Variants in TENM3 observed in about 807,000 individuals in gnomAD.
TENM3 encodes the protein teneurin-3.
TENM3 carries 63 observed loss-of-function variants against 255.1 expected under a neutral mutation model. That is an observed-to-expected ratio of 0.25 (90% CI 0.20 to 0.30). The LOEUF is 0.30. Among genes scored for constraint, TENM3 ranks in the 10% least tolerant of loss-of-function variants. The probability of loss-of-function intolerance (pLI) is 1.00; values close to 1 mark genes in which losing one functional copy is unlikely to be tolerated. For synonymous variants in TENM3, 1,306 were observed against 1,322.3 expected (o/e 0.99, Z 0.27); for missense variants, 2,929 against 3,461.1 (o/e 0.85, Z 3.86).
At chr4:181,982,817 C>T in the TENM3 span, among the ~76,000 whole-genome samples, 3,575 of 152,214 alleles carry the variant, frequency 0.023, 160 homozygotes, top group African/African-American at 0.082. Context: ...ACACTTTCAT[C>T]CAGTATTCTG....
At chr4:182,510,514 C>T (rs1737288515) in intron 3 of TENM3, among the ~76,000 whole-genome samples, 1 of 152,102 alleles carries the variant, frequency 6.6e-6, no homozygotes, top group Non-Finnish European at 1.5e-5. Flanking sequence ...TCTAGTTATT[C>T]CAGTTCTGAT....
At chr4:182,193,989 C>T (rs1753686803) in intron 1 of TENM3, among the ~76,000 whole-genome samples, 1 of 152,190 alleles carries the variant, frequency 6.6e-6, no homozygotes, top group African/African-American at 2.4e-5. Flanking sequence ...TCCACAACTT[C>T]ATGGCCTACG....
chr4:182,026,977 GT>G, the TENM3 span, among the ~76,000 whole-genome samples: 5,520 of 152,124 alleles, frequency 0.036, 146 homozygotes, highest in Middle Eastern at 0.068. Flanking sequence ...TTTTAGGATT[GT>G]TTTTTATATT....
At chr4:182,488,692 A>C (rs1329557226) in intron 3 of TENM3, among the ~76,000 whole-genome samples, 1 of 152,174 alleles carries the variant, frequency 6.6e-6, no homozygotes, top group Non-Finnish European at 1.5e-5. Flanking sequence ...TGAAAGCCTA[A>C]TGTCATCGAA....
At chr4:182,638,494 C>CG (rs1384645123) in intron 5 of TENM3, among the ~76,000 whole-genome samples, 1 of 152,092 alleles carries the variant, frequency 6.6e-6, no homozygotes, top group Non-Finnish European at 1.5e-5. Context: ...TGAGGCCCCC[C>CG]CATTGTGCAT....
At chr4:182,347,999 T>C (rs141065947) in intron 3 of TENM3, among the ~76,000 whole-genome samples, 3 of 152,338 alleles carry the variant, frequency 2.0e-5, no homozygotes, top group African/African-American at 7.2e-5. Context: ...GATCTATTGT[T>C]AGCTTTCAGT....
At chr4:181,780,229 T>G in the TENM3 span, among the ~76,000 whole-genome samples, 2 of 152,224 alleles carry the variant, frequency 1.3e-5, no homozygotes, top group Non-Finnish European at 2.9e-5. Context: ...TCCACAATGG[T>G]TGAACTAGTT....
chr4:182,553,426 GC>G (rs1259231242), intron 3 of TENM3, among the ~76,000 whole-genome samples: 4 of 151,552 alleles, frequency 2.6e-5, no homozygotes, highest in Non-Finnish European at 4.4e-5. Flanking sequence ...TATACCTAAT[GC>G]TACATGACGA....
At chr4:181,527,175 G>A in the TENM3 span, among the ~76,000 whole-genome samples, 1 of 152,158 alleles carries the variant, frequency 6.6e-6, no homozygotes, top group East Asian at 1.9e-4. Flanking sequence ...TCTTTTGTAT[G>A]TCTGGAAAAC....
chr4:182,629,437 G>A (rs1031114828), intron 5 of TENM3, among the ~76,000 whole-genome samples: 10 of 152,100 alleles, frequency 6.6e-5, no homozygotes, highest in African/African-American at 2.4e-4. Context: ...CTCTTCTGAT[G>A]TAGTATTGAT....
chr4:182,119,148 C>A, the TENM3 span, among the ~76,000 whole-genome samples: 1 of 152,076 alleles, frequency 6.6e-6, no homozygotes, highest in African/African-American at 2.4e-5. Context: ...TATTTCCCTC[C>A]CCCCAGGTAG....
chr4:182,230,152 TC>T (rs1756469031), intron 1 of TENM3, among the ~76,000 whole-genome samples: 1 of 145,492 alleles, frequency 6.9e-6, no homozygotes, highest in Non-Finnish European at 1.5e-5. Context: ...AAAAAAATCT[TC>T]CCAGAGACTG....
intron 3 of TENM3, among the ~76,000 whole-genome samples, chr4:182,460,185 T>C (rs1774224988): frequency 6.6e-6 from 1 of 152,186 alleles, no homozygotes; most frequent in Non-Finnish European, 1.5e-5. Flanking sequence ...ATCATCATCA[T>C]GACCCTAGGA....
At chr4:181,798,090 AGTGTGTGTGT>A in the TENM3 span, among the ~76,000 whole-genome samples, 2 of 149,790 alleles carry the variant, frequency 1.3e-5, no homozygotes, top group Non-Finnish European at 3.0e-5. Flanking sequence ...TTTCAAAATA[AGTGTGTGTGT>A]GTGTGTGTGT....
intron 19 of TENM3, among the ~76,000 whole-genome samples, chr4:182,744,826 T>C (rs1761887056): frequency 6.6e-6 from 1 of 152,192 alleles, no homozygotes; most frequent in Non-Finnish European, 1.5e-5. Flanking sequence ...ACGAATATAG[T>C]TGAAGCAAAT....
intron 1 of TENM3, among the ~76,000 whole-genome samples, chr4:182,146,838 G>T (rs953965160): frequency 6.6e-6 from 1 of 152,142 alleles, no homozygotes; most frequent in African/African-American, 2.4e-5. Flanking sequence ...TTATGGAATT[G>T]TGACTAGTTA....
At chr4:181,460,888 T>G in the TENM3 span, among the ~76,000 whole-genome samples, 29,366 of 151,804 alleles carry the variant, frequency 0.19, 3,512 homozygotes, top group South Asian at 0.26. Flanking sequence ...TTGGTTTTAT[T>G]TTAAAGAGTC....
At chr4:182,158,097 T>C (rs1407891111) in intron 1 of TENM3, among the ~76,000 whole-genome samples, 1 of 151,410 alleles carries the variant, frequency 6.6e-6, no homozygotes, top group African/African-American at 2.4e-5. Flanking sequence ...ACATGGGGAG[T>C]GGTGAGGACT....
the TENM3 span, among the ~76,000 whole-genome samples, chr4:181,630,688 A>C: frequency 6.6e-6 from 1 of 152,286 alleles, no homozygotes; most frequent in African/African-American, 2.4e-5. Flanking sequence ...GTTTGATTGC[A>C]CTGCGGTCTG....
Sources: allele counts gnomAD v4.1 joint callset (sites outside exome capture counted in the v4.1 genomes callset), GRCh38; gene constraint gnomAD v4.1.1; transcripts MANE v1.5; gene names NCBI Gene and HGNC (gene_info 2026-07-23, HGNC 2026-07-21).